Variants in REV1 observed in about 807,000 individuals in gnomAD.
The protein encoded by REV1 is REV1 DNA directed polymerase, also known as translesion synthesis protein REV1.
REV1 carries 42 observed loss-of-function variants against 137.4 expected under a neutral mutation model. The observed-to-expected ratio is 0.31, with a 90% confidence interval of 0.24 to 0.40. The LOEUF is 0.40. Ranked by LOEUF, REV1 falls within the 10% of genes least tolerant of loss-of-function variation. REV1 has a pLI of 1.00. For synonymous variants in REV1, 524 were observed against 519.2 expected (o/e 1.01, Z -0.12); for missense variants, 1,282 against 1,490.1 (o/e 0.86, Z 2.30).
In REV1 at chr2:99,400,931, AAGG is replaced by A. The variant is rs1477145482; in HGVS notation, c.*307_*309del. 2 of 166,770 alleles carry A rather than the reference AAGG, an allele frequency of 1.2e-5. No individual in the cohort carries two copies. The highest frequency in any genetic ancestry group is 1.7e-4 in the East Asian group (1 of 6,038). 10.3% of individuals were successfully genotyped at this position (166,770 alleles called of 1,614,324 possible). Reference sequence around the variant, plus strand: ...AGTTGAGTTTTTAAGGATTCACAAAAAGGAGCCTGTACAAAATATACATACAGT... The same window carrying A: ...AGTTGAGTTTTTAAGGATTCACAAAAAGCCTGTACAAAATATACATACAGT... On this transcript the variant is annotated 3_prime_UTR_variant, in exon 23 of 23. Coordinates refer to ENST00000258428, the MANE Select transcript of REV1 (RefSeq NM_016316.4).
At chr2:99,451,813 C>A (rs903279421) in intron 3 of REV1, among the ~76,000 whole-genome samples, 1 of 152,064 alleles carries the variant, frequency 6.6e-6, no homozygotes, top group African/African-American at 2.4e-5. Flanking sequence ...TAGGCTGACA[C>A]ATGGTGACCC....
rs1290434997 is a variant in REV1, at chr2:99,438,629, G to A, written c.1185C>T (p.Gly395=). The A allele has an allele frequency of 6.2e-7, 1 of 1,613,422 alleles. No individual in the cohort carries two copies. The highest frequency in any genetic ancestry group is 8.5e-7 in the Non-Finnish European group (1 of 1,179,824). The part of the protein sequence containing the change: ...GREKLKKMKT[G]RSALVVTDTG... Reference sequence around the variant, plus strand: ...TGTCAGTTACAACAAGTGCAGACCTGCCTGTTTTCATTTTTTTTAACTTTT... The same window carrying A: ...TGTCAGTTACAACAAGTGCAGACCTACCTGTTTTCATTTTTTTTAACTTTT... Residue 395 remains glycine (G), a synonymous_variant, in exon 6 of 23, where the codon GGC becomes GGT. Coordinates refer to ENST00000258428, the MANE Select transcript of REV1 (RefSeq NM_016316.4).
intron 1 of REV1, among the ~76,000 whole-genome samples, chr2:99,468,317 G>C (rs999857089): frequency 6.6e-6 from 1 of 152,166 alleles, no homozygotes; most frequent in Non-Finnish European, 1.5e-5. Context: ...ACACTAAGAT[G>C]ACTGATTTGC....
At position 99,489,949 on chromosome 2, in the gene REV1, G is replaced by A. The variant is rs1258088761; in HGVS notation, c.-143C>T. 1 of 149,912 alleles carries A rather than the reference G, an allele frequency of 6.7e-6. No homozygotes were observed. Among genetic ancestry groups the A allele is most frequent in the Non-Finnish European group, 1.5e-5 (1 of 67,226 alleles). 9.3% of individuals were successfully genotyped at this position (149,912 alleles called of 1,614,324 possible). ...GCCGGGGGAAGGCAGCCCCACCGCT[G>A]AGCAGCGCCGCGGTCCACGCTCCCC... On this transcript the variant is annotated 5_prime_UTR_variant, in exon 1 of 23. Transcript: ENST00000258428.
rs767337091 is a variant in REV1 at position 99,401,191 on chromosome 2, C to T, written c.*50G>A. On this transcript the variant is annotated 3_prime_UTR_variant, in exon 23 of 23. Coordinates refer to ENST00000258428, the MANE Select transcript of REV1 (RefSeq NM_016316.4). ...TATCATGCACTTTGCAAATACCTCA[C>T]AAGCACTTATGGCACAGCTATCAGA... 1.7e-6 allele frequency: 2 copies of T among 1,158,726 alleles called. No homozygotes were observed. The highest frequency in any genetic ancestry group is 2.5e-5 in the South Asian group (2 of 80,484). The allele number at this position is 1,158,726 out of a possible 1,614,324, so 71.8% of individuals were successfully genotyped here.
At chr2:99,418,663 T>C (rs1678221138) in intron 12 of REV1, among the ~76,000 whole-genome samples, 165 bp downstream of exon 12, 1 of 152,212 alleles carries the variant, frequency 6.6e-6, no homozygotes, top group Non-Finnish European at 1.5e-5. Context: ...TTTTAGGGGA[T>C]ATTTAATGCA....
Position 99,421,524 on chromosome 2 carries a change from C to T in REV1, c.1806G>A (p.Thr602=), listed in dbSNP as rs368718842. 48 of 1,613,852 alleles carry T rather than the reference C, an allele frequency of 3.0e-5. No homozygotes were observed. The highest frequency in any genetic ancestry group is 4.0e-5 in the African/African-American group (3 of 74,900). ...NAVRMEIKDQ[T]KCAASVGIGS... ...CAATTCCAACAGAGGCAGCACATTTCGTCTGGTCTTTGATTTCCATACGAA... is the reference window on the plus strand; with the variant it reads ...CAATTCCAACAGAGGCAGCACATTTTGTCTGGTCTTTGATTTCCATACGAA... Residue 602 remains threonine, a synonymous_variant, in exon 11 of 23, where the codon ACG becomes ACA. Transcript: ENST00000258428.
At chr2:99,486,575 C>A (rs1420652279) in intron 1 of REV1, among the ~76,000 whole-genome samples, 1 of 151,756 alleles carries the variant, frequency 6.6e-6, no homozygotes, top group African/African-American at 2.4e-5. Context: ...CATACATTAA[C>A]TCAATTATTA....
intron 9 of REV1, chr2:99,424,845 T>A: frequency 7.7e-7 from 1 of 1,304,224 alleles, no homozygotes. Context: ...AACAGCATTG[T>A]ACATGGTAGG....
chr2:99,461,021 C>CTAT (rs1684128220), intron 3 of REV1, among the ~76,000 whole-genome samples: 2 of 151,318 alleles, frequency 1.3e-5, no homozygotes, highest in Non-Finnish European at 2.9e-5. Flanking sequence ...AGAAGCAATG[C>CTAT]CTGTTTTCAT....
chr2:99,482,290 C>T (rs1444827335), intron 1 of REV1, among the ~76,000 whole-genome samples: 1 of 152,252 alleles, frequency 6.6e-6, no homozygotes, highest in Non-Finnish European at 1.5e-5. Context: ...GTTTGGGACC[C>T]TCCCAGATCT....
intron 3 of REV1, among the ~76,000 whole-genome samples, chr2:99,458,835 C>T (rs950191699): frequency 5.9e-5 from 9 of 151,968 alleles, no homozygotes; most frequent in African/African-American, 2.2e-4. Flanking sequence ...AAATGGAGAC[C>T]AGATTAGTGG....
chr2:99,435,256 AC>A (rs1196928243), intron 7 of REV1, among the ~76,000 whole-genome samples: 3 of 152,174 alleles, frequency 2.0e-5, no homozygotes, highest in Admixed American at 6.6e-5. Flanking sequence ...AGAAGAAAAC[AC>A]TAAGTTATCT....
At chr2:99,431,982 C>A (rs569496798) in intron 8 of REV1, 14 of 809,884 alleles carry the variant, frequency 1.7e-5, no homozygotes, top group Non-Finnish European at 2.1e-5. Flanking sequence ...ATGACTAATA[C>A]GATTTTTAAA....
intron 1 of REV1, among the ~76,000 whole-genome samples, chr2:99,467,888 A>T (rs913773624): frequency 6.6e-6 from 1 of 152,212 alleles, no homozygotes; most frequent in Admixed American, 6.5e-5. Context: ...TCTATTAAAA[A>T]TACAAAAGAT....
At chr2:99,445,872 C>G (rs1454148374) in intron 4 of REV1, among the ~76,000 whole-genome samples, 1 of 152,104 alleles carries the variant, frequency 6.6e-6, no homozygotes, top group African/African-American at 2.4e-5. Context: ...TAAAGCAACA[C>G]CCCACATACT....
At position 99,467,773 on chromosome 2, in the gene REV1, T is replaced by C. The variant is rs181906372; in HGVS notation, c.-10-2788A>G. ...GATTAAGGTGATCGTGGGCCAGGCG[T>C]GGTGGCTCACCCCTGTAATCCCAGC... On this transcript the variant is annotated intron_variant, in intron 1 of 22. Transcript: ENST00000258428. 7.2e-5 allele frequency among the ~76,000 whole-genome samples: 11 copies of C among 152,326 alleles called. 1 individual carries two copies. In the East Asian group the frequency reaches 2.1e-3, roughly 29 times the overall value.
intron 1 of REV1, among the ~76,000 whole-genome samples, chr2:99,471,367 T>C (rs182402279): frequency 2.0e-5 from 3 of 152,250 alleles, no homozygotes; most frequent in East Asian, 1.9e-4. Context: ...CAAATGGTGA[T>C]AGGAAAACTG....
At chr2:99,484,696 A>C (rs987040424) in intron 1 of REV1, among the ~76,000 whole-genome samples, 17 of 152,188 alleles carry the variant, frequency 1.1e-4, no homozygotes, top group African/African-American at 3.4e-4. Context: ...TAAATCTAAA[A>C]AAAAAACAAA....
Sources: allele counts gnomAD v4.1 joint callset (sites outside exome capture counted in the v4.1 genomes callset), GRCh38; gene constraint gnomAD v4.1.1; transcripts MANE v1.5; gene names NCBI Gene and HGNC (gene_info 2026-07-23, HGNC 2026-07-21).